CTPS2: variants seen among roughly 807,000 people sequenced by gnomAD.
CTPS2 encodes the protein CTP synthase 2.
CTPS2 carries 19 observed loss-of-function variants against 46.8 expected under a neutral mutation model. The observed-to-expected ratio is 0.41, with a 90% CI of 0.28 to 0.60. The LOEUF (loss-of-function observed/expected upper bound fraction) is 0.60, where lower values mean the gene tolerates loss of function less well. Ranked by LOEUF, CTPS2 falls within the 20% of genes least tolerant of loss-of-function variation. The probability of loss-of-function intolerance (pLI) is 0.35; values close to 1 mark genes in which losing one functional copy is unlikely to be tolerated. For synonymous variants in CTPS2, 151 were observed against 165.2 expected, an observed-to-expected ratio of 0.91 and a Z score of 0.66; for missense variants, 286 against 447.6, an observed-to-expected ratio of 0.64 and a Z score of 3.26.
intron 8 of CTPS2, among the ~76,000 whole-genome samples, chrX:16,684,875 G>C (rs1177721249): frequency 8.9e-6 from 1 of 111,748 alleles, no homozygotes; most frequent in Non-Finnish European, 1.9e-5. Context: ...CAGATCACTT[G>C]AGATCAGGAG....
intron 13 of CTPS2, among the ~76,000 whole-genome samples, chrX:16,662,543 T>G (rs1932988417): frequency 9.0e-6 from 1 of 110,887 alleles, no homozygotes; most frequent in African/African-American, 3.3e-5. Flanking sequence ...GGAGTAAATA[T>G]TCCCTATAGA....
chrX:16,650,778 TG>T (rs1310031721), intron 13 of CTPS2, among the ~76,000 whole-genome samples: 1 of 110,654 alleles, frequency 9.0e-6, no homozygotes, highest in Non-Finnish European at 1.9e-5. Flanking sequence ...CCCAAAGTGC[TG>T]GGATTACAGG....
At chrX:16,620,464 A>G (rs1348347385) in intron 14 of CTPS2, 132 bp from the exon 15 acceptor site, 2 of 423,501 alleles carry the variant, frequency 4.7e-6, no homozygotes, top group Non-Finnish European at 4.0e-6. Flanking sequence ...AATAGACTCC[A>G]TATAGTCATC....
chrX:16,590,654 C>A, intron 18 of CTPS2, 98 bp downstream of exon 18: 1 of 441,396 alleles, frequency 2.3e-6, no homozygotes. Context: ...CTCAAAGGGG[C>A]AAGATCCTGT....
chrX:16,691,317 T>A (rs1923679438), intron 7 of CTPS2, among the ~76,000 whole-genome samples: 1 of 111,389 alleles, frequency 9.0e-6, no homozygotes, highest in South Asian at 3.7e-4. Context: ...ACACTCTGTC[T>A]CAAGAAAAGA....
At chrX:16,624,588 G>A (rs147670009) in intron 14 of CTPS2, among the ~76,000 whole-genome samples, 85 of 111,651 alleles carry the variant, frequency 7.6e-4, no homozygotes, top group African/African-American at 2.6e-3. Context: ...AACATTCCAC[G>A]ACAAGGCAAA....
intron 17 of CTPS2, among the ~76,000 whole-genome samples, chrX:16,601,583 G>A (rs922379026): frequency 6.1e-5 from 6 of 98,580 alleles, no homozygotes; most frequent in Non-Finnish European, 1.0e-4. Flanking sequence ...GGGGGGGGGG[G>A]GGTTTAAGTT....
At chrX:16,641,135 G>A (rs1438192128) in intron 13 of CTPS2, among the ~76,000 whole-genome samples, 2 of 111,888 alleles carry the variant, frequency 1.8e-5, no homozygotes, top group Non-Finnish European at 3.8e-5. Context: ...GCACATAGAT[G>A]CCTGGCCTCT....
At chrX:16,651,862 T>G (rs765599745) in intron 13 of CTPS2, among the ~76,000 whole-genome samples, 1 of 111,641 alleles carries the variant, frequency 9.0e-6, no homozygotes, top group Non-Finnish European at 1.9e-5. Flanking sequence ...AAGAAAAAGC[T>G]GAGTCAGGAC....
In CTPS2 at chrX:16,594,346, C is replaced by T. The variant is rs191826692; in HGVS notation, c.1692-3484G>A. 7.2e-5 allele frequency among the ~76,000 whole-genome samples: 8 copies of T among 111,494 alleles called. No homozygotes were observed. The Admixed American group carries it at 7.6e-4, about 11-fold the overall frequency. ...TCCTGGTTATACTATTTATGAGCCA[C>T]GTACCTTTGGACAAGTCATTGACTT... On this transcript the variant is annotated intron_variant, in intron 17 of 18. Coordinates refer to ENST00000359276, the MANE Select transcript of CTPS2 (RefSeq NM_175859.3).
chrX:16,664,740 C>T (rs1439259983), intron 13 of CTPS2, among the ~76,000 whole-genome samples: 2 of 111,601 alleles, frequency 1.8e-5, no homozygotes, highest in Non-Finnish European at 3.8e-5. Flanking sequence ...CGATTCTGCC[C>T]CTGCCCCCAA....
At chrX:16,630,260 T>A (rs1465815655) in intron 14 of CTPS2, among the ~76,000 whole-genome samples, 10 of 104,843 alleles carry the variant, frequency 9.5e-5, no homozygotes, top group African/African-American at 3.2e-4. Context: ...TATTTTTTTT[T>A]TTTTTTTTTT....
rs988594415 is a variant in CTPS2, at chrX:16,601,436, C to A, written c.1691+8105G>T. On this transcript the variant is annotated intron_variant, in intron 17 of 18. Coordinates refer to ENST00000359276, the MANE Select transcript of CTPS2 (RefSeq NM_175859.3). ...AACCATTCTAATAGGATATAGATCC[C>A]TATTCCCCTCTCACTAAGCAGGTCA... Among the ~76,000 whole-genome samples, 3 of 111,081 alleles carry A rather than the reference C, an allele frequency of 2.7e-5. No individual in the cohort carries two copies. The South Asian group carries it at 1.2e-3, about 43-fold the overall frequency.
intron 13 of CTPS2, among the ~76,000 whole-genome samples, chrX:16,644,929 C>T (rs1378302515): frequency 3.6e-5 from 4 of 112,568 alleles, no homozygotes; most frequent in African/African-American, 9.7e-5. Context: ...CTGAGGAGTT[C>T]GACACAGTGT....
At chrX:16,699,392 AAAAC>A (rs756064200) in intron 2 of CTPS2, among the ~76,000 whole-genome samples, 2 of 112,581 alleles carry the variant, frequency 1.8e-5, no homozygotes, top group African/African-American at 6.4e-5. Context: ...AGAAATTTTA[AAAAC>A]AAACAGCATT....
intron 9 of CTPS2, among the ~76,000 whole-genome samples, chrX:16,678,875 A>T (rs949632403): frequency 1.3e-4 from 14 of 110,352 alleles, no homozygotes; most frequent in Non-Finnish European, 2.1e-4. Context: ...TCAAAAAAAA[A>T]TTTAAAAAAA....
At chrX:16,654,577 G>A (rs1932774657) in intron 13 of CTPS2, 1 of 573,997 alleles carries the variant, frequency 1.7e-6, no homozygotes, top group Non-Finnish European at 2.8e-6. Flanking sequence ...TATCCTATGT[G>A]GAATCCCCCA....
rs1441215497 is a variant in CTPS2, at chrX:16,654,728, G to C, written c.1296+12786C>G. ...ATAGACTTGAAAGTAACCTTAGTCT[G>C]ATTCAACTAATTCTATAGATTTAAA... On this transcript the variant is annotated intron_variant, in intron 13 of 18. Coordinates refer to ENST00000359276, the MANE Select transcript of CTPS2 (RefSeq NM_175859.3). 3 of 196,670 alleles carry C rather than the reference G, an allele frequency of 1.5e-5. No individual in the cohort carries two copies. The Admixed American group carries it at 2.4e-4, about 15-fold the overall frequency. 16.2% of individuals were successfully genotyped at this position (196,670 alleles called of 1,213,427 possible).
chrX:16,659,753 T>G (rs1200695513), intron 13 of CTPS2, among the ~76,000 whole-genome samples: 1 of 111,948 alleles, frequency 8.9e-6, no homozygotes, highest in Non-Finnish European at 1.9e-5. Context: ...TGTGTGTGTG[T>G]GATGAGAGCA....
Sources: gnomAD v4.1 joint callset for allele counts (sites outside exome capture counted in the v4.1 genomes callset) on GRCh38, gnomAD v4.1.1 for gene constraint, MANE v1.5 for transcripts, NCBI Gene and HGNC (gene_info 2026-07-23, HGNC 2026-07-21) for gene names.